PREP: variants seen among roughly 807,000 people sequenced by gnomAD.
PREP encodes dJ355L5.1 (prolyl endopeptidase).
In PREP, 29 loss-of-function variants were observed where a neutral mutation model predicts 87.6. The ratio of observed to expected loss-of-function variants is 0.33; its 90% confidence interval spans 0.25 to 0.45. PREP has a LOEUF of 0.45. Among genes scored for constraint, PREP ranks in the 20% least tolerant of loss-of-function variants. The pLI is 1.00. For missense variants in PREP, 695 were observed against 886.5 expected, an observed-to-expected ratio of 0.78 and a Z score of 2.74; for synonymous variants, 337 against 328.6, an observed-to-expected ratio of 1.03 and a Z score of -0.28.
chr6:105,291,081 T>C (rs1770287875), intron 10 of PREP, among the ~76,000 whole-genome samples: 1 of 152,164 alleles, frequency 6.6e-6, no homozygotes, highest in Non-Finnish European at 1.5e-5. Context: ...AATAGCATTA[T>C]CTAAAAAATG....
At chr6:105,333,958 GTGGGGCTACCAC>G (rs71934904) in intron 7 of PREP, among the ~76,000 whole-genome samples, 5,687 of 152,228 alleles carry the variant, frequency 0.037, 357 homozygotes, top group African/African-American at 0.13. Flanking sequence ...CAACTTGAGG[GTGGGGCTACCAC>G]TGGCACCTAA....
chr6:105,366,175 T>C (rs1772378171), intron 6 of PREP, among the ~76,000 whole-genome samples: 1 of 152,174 alleles, frequency 6.6e-6, no homozygotes, highest in African/African-American at 2.4e-5. Context: ...GAAAATCGCT[T>C]GAACCCGGGA....
rs549981987 is a variant in PREP, at chr6:105,379,659, A to G, written c.121-2140T>C. The stretch of plus-strand genomic sequence containing the variant: ...AAGGAAGACGCAACCTGGGCCTCCT[A>G]TGATTTTCTTCTGCATGAACTGGGC... On this transcript the variant is annotated intron_variant, in intron 2 of 14. Coordinates refer to ENST00000652536, the MANE Select transcript of PREP (RefSeq NM_002726.5). Among the ~76,000 whole-genome samples the G allele has an allele frequency of 3.4e-4, 52 of 152,352 alleles. No individual in the cohort carries two copies. The South Asian group carries it at 9.7e-3, about 29-fold the overall frequency.
chr6:105,392,702 A>C (rs1038594125), intron 2 of PREP, among the ~76,000 whole-genome samples: 6 of 152,048 alleles, frequency 3.9e-5, no homozygotes, highest in Non-Finnish European at 8.8e-5. Flanking sequence ...TCAGCCACCC[A>C]AGTAGCTGGA....
intron 7 of PREP, among the ~76,000 whole-genome samples, chr6:105,346,157 T>A (rs1468106815): frequency 6.7e-6 from 1 of 150,240 alleles, no homozygotes; most frequent in Non-Finnish European, 1.5e-5. Flanking sequence ...CTCAGAGAGG[T>A]TTGCTTTTAG....
At chr6:105,394,851 G>A (rs1486657723) in intron 2 of PREP, among the ~76,000 whole-genome samples, 1 of 152,128 alleles carries the variant, frequency 6.6e-6, no homozygotes, top group African/African-American at 2.4e-5. Context: ...ACGACAAAAA[G>A]CAAATACCTG....
intron 7 of PREP, among the ~76,000 whole-genome samples, chr6:105,339,651 A>G (rs1771582491): frequency 6.6e-6 from 1 of 152,220 alleles, no homozygotes; most frequent in African/African-American, 2.4e-5. Flanking sequence ...AAAAGATTAC[A>G]TGAAGGGCTA....
chr6:105,367,560 T>C (rs950861130), intron 6 of PREP, among the ~76,000 whole-genome samples: 2 of 150,638 alleles, frequency 1.3e-5, no homozygotes, highest in African/African-American at 4.9e-5. Context: ...TAGTCCCAGC[T>C]ACTTGGGAGG....
Position 105,278,392 on chromosome 6 carries a change from G to C in PREP, c.1885C>G (p.Gln629Glu), listed in dbSNP as rs1183168436. 6.2e-7 allele frequency: 1 copy of C among 1,614,102 alleles called. No homozygotes were observed. Among genetic ancestry groups the C allele is most frequent in the African/African-American group, 1.3e-5 (1 of 75,054 alleles). Residue 629 changes from glutamine (Q) to glutamate (E), a missense_variant, in exon 15 of 15, where the codon CAG (glutamine) becomes GAG (glutamate). Gln to Glu is a conservative substitution (Grantham distance 29). This residue lies in a region of PREP where 121 missense variants were observed against 154.8 expected (regional missense o/e 0.78). Coordinates refer to ENST00000652536, the MANE Select transcript of PREP (RefSeq NM_002726.5). The surrounding 1 kb of genome is among the most constrained non-coding windows in gnomAD (Gnocchi z 4.2). ...GTGAGGAGCAGCATGGACGGGTACT[G>C]GATGTCATCTGCTTCTGGTAACTTC... Reference protein sequence around the residue: ...NVKLPEADDIQYPSMLLLTAD... With the variant: ...NVKLPEADDIEYPSMLLLTAD...
At chr6:105,292,522 A>G (rs1770316792) in intron 10 of PREP, among the ~76,000 whole-genome samples, 1 of 152,196 alleles carries the variant, frequency 6.6e-6, no homozygotes, top group African/African-American at 2.4e-5. Context: ...ATGTGCTGTC[A>G]CCCAGCTTTG....
chr6:105,384,288 G>A (rs932718686), intron 2 of PREP, among the ~76,000 whole-genome samples: 14 of 152,200 alleles, frequency 9.2e-5, no homozygotes, highest in African/African-American at 3.4e-4. Flanking sequence ...ATTCAGGAGT[G>A]TACAGGAAGC....
chr6:105,402,779 G>C, intron 1 of PREP, 68 bp downstream of exon 1: 1 of 1,407,848 alleles, frequency 7.1e-7, no homozygotes, highest in South Asian at 1.3e-5. Context: ...GGAGCTGCGG[G>C]TGCCACGGGT....
intron 6 of PREP, among the ~76,000 whole-genome samples, chr6:105,358,758 C>G (rs1428336922): frequency 2.6e-5 from 4 of 152,140 alleles, no homozygotes; most frequent in Non-Finnish European, 5.9e-5. Context: ...TTTAACTTCT[C>G]TTTCCACCAG....
At chr6:105,376,395 G>A in intron 3 of PREP, 140 bp from the exon 4 acceptor site, 1 of 886,106 alleles carries the variant, frequency 1.1e-6, no homozygotes, top group Non-Finnish European at 1.7e-6. Context: ...AGGGACGTGG[G>A]GACATGGGTG....
At chr6:105,323,904 C>T in intron 9 of PREP, 136 bp from the exon 10 acceptor site, 1 of 728,942 alleles carries the variant, frequency 1.4e-6, no homozygotes. Flanking sequence ...ATCCCCACCA[C>T]AGTCGAAGGC....
chr6:105,327,720 T>C (rs149780605), intron 9 of PREP, among the ~76,000 whole-genome samples: 62 of 152,120 alleles, frequency 4.1e-4, no homozygotes, highest in African/African-American at 1.4e-3. Flanking sequence ...CAAAACTGAG[T>C]GGGACAAAAA....
At chr6:105,306,566 T>G (rs73512086) in intron 10 of PREP, among the ~76,000 whole-genome samples, 1 of 152,134 alleles carries the variant, frequency 6.6e-6, no homozygotes, top group Non-Finnish European at 1.5e-5. Flanking sequence ...CTATATCCCC[T>G]GTGACTTCTC....
intron 7 of PREP, among the ~76,000 whole-genome samples, chr6:105,346,508 A>G (rs902313189): frequency 6.6e-6 from 1 of 152,226 alleles, no homozygotes; most frequent in East Asian, 1.9e-4. Flanking sequence ...TATCAATCTA[A>G]AACAATCAAA....
intron 11 of PREP, 58 bp downstream of exon 11, chr6:105,288,700 T>G: frequency 1.9e-6 from 3 of 1,590,712 alleles, no homozygotes; most frequent in Non-Finnish European, 2.6e-6. Flanking sequence ...CACTCTGGTT[T>G]GTTTCCACTA....
Sources: allele counts gnomAD v4.1 joint callset (sites outside exome capture counted in the v4.1 genomes callset), GRCh38; gene constraint gnomAD v4.1.1; regional missense constraint gnomAD v4.1.1; non-coding constraint Gnocchi (gnomAD v3.1); transcripts MANE v1.5; gene names NCBI Gene and HGNC (gene_info 2026-07-23, HGNC 2026-07-21).